The following RYR3 variants were observed in gnomAD, a reference collection of about 807,000 sequenced individuals.
The protein encoded by RYR3 is brain ryanodine receptor-calcium release channel.
RYR3 carries 207 observed loss-of-function variants against 584.3 expected under a neutral mutation model. The ratio of observed to expected loss-of-function variants is 0.35; its 90% CI spans 0.32 to 0.40. The LOEUF (loss-of-function observed/expected upper bound fraction) is 0.40. Ranked by LOEUF, RYR3 falls within the 10% of genes least tolerant of loss-of-function variation. The probability of loss-of-function intolerance (pLI) is 1.00; values close to 1 mark genes in which losing one functional copy is unlikely to be tolerated. For synonymous variants in RYR3, 2,416 were observed against 2,248.5 expected, an observed-to-expected ratio of 1.07 and a Z score of -2.11; for missense variants, 5,616 against 6,089.2, an observed-to-expected ratio of 0.92 and a Z score of 2.59.
intron 67 of RYR3, among the ~76,000 whole-genome samples, chr15:33,796,124 GTTTTGTTTTTGT>G (rs71117180): frequency 0.39 from 58,903 of 151,024 alleles, 11,655 homozygotes; most frequent in East Asian, 0.53. Flanking sequence ...GTTTTGTTTT[GTTTTGTTTTTGT>G]TTTTGTTTTT....
Position 33,663,585 on chromosome 15 carries a change from G to A in RYR3, c.5467G>A (p.Val1823Met), listed in dbSNP as rs1487970708. ...YLCDCELQHRVEAIVAFGDIY... is the reference protein window; with the variant it reads ...YLCDCELQHRMEAIVAFGDIY... ...CTGCGACTGTGAGCTGCAGCACCGA[G>A]TGGAGGCCATTGTGGCATTTGGTGA... Residue 1823 changes from valine (V) to methionine (M), a missense_variant, in exon 36 of 104, where the codon GTG becomes ATG. Physicochemically the swap from Val to Met is conservative, Grantham distance 21. This residue lies in a region of RYR3 where 1,280 missense variants were observed against 1,426.2 expected (regional missense o/e 0.90). Transcript: ENST00000634891. 1 of 1,613,810 alleles carries A rather than the reference G, an allele frequency of 6.2e-7. No homozygotes were observed. The highest frequency in any genetic ancestry group is 8.5e-7 in the Non-Finnish European group (1 of 1,179,894).
At chr15:33,392,940 TG>T (rs2042092342) in intron 1 of RYR3, among the ~76,000 whole-genome samples, 1 of 152,212 alleles carries the variant, frequency 6.6e-6, no homozygotes, top group African/African-American at 2.4e-5. Flanking sequence ...TACAAGGGCA[TG>T]GGATTGCACA....
chr15:33,819,652 G>A (rs926477803), intron 76 of RYR3, 104 bp from the exon 77 acceptor site: 66 of 721,974 alleles, frequency 9.1e-5, no homozygotes, highest in Non-Finnish European at 1.0e-4. Flanking sequence ...CCAGCCTAGG[G>A]GACAAGAGAA....
At chr15:33,353,138 G>C (rs1465325851) in intron 1 of RYR3, among the ~76,000 whole-genome samples, 1 of 152,078 alleles carries the variant, frequency 6.6e-6, no homozygotes, top group East Asian at 1.9e-4. Flanking sequence ...TTTATATTTA[G>C]CTTGAATTTA....
chr15:33,327,173 AAAGT>A (rs953188178), intron 1 of RYR3, among the ~76,000 whole-genome samples: 10 of 152,224 alleles, frequency 6.6e-5, no homozygotes, highest in Non-Finnish European at 1.2e-4. Context: ...GACAGAAAAA[AAAGT>A]AAGTACTTTG....
intron 82 of RYR3, 99 bp downstream of exon 82, chr15:33,825,775 C>G (rs1654012562): frequency 2.8e-6 from 2 of 723,522 alleles, no homozygotes; most frequent in Non-Finnish European, 4.3e-6. Context: ...TCTTGTTGCT[C>G]AGGCTGGACT....
chr15:33,577,017 C>T (rs1017400915), intron 12 of RYR3, among the ~76,000 whole-genome samples: 3 of 152,038 alleles, frequency 2.0e-5, no homozygotes, highest in Admixed American at 6.6e-5. Context: ...CCCATTAATA[C>T]TTGCTACAAA....
intron 69 of RYR3, among the ~76,000 whole-genome samples, chr15:33,802,529 G>A (rs1198208293): frequency 6.6e-6 from 1 of 151,732 alleles, no homozygotes; most frequent in Non-Finnish European, 1.5e-5. Flanking sequence ...AGGCATATCG[G>A]ACATCTGTCT....
intron 1 of RYR3, among the ~76,000 whole-genome samples, chr15:33,337,096 T>C (rs1054735124): frequency 2.4e-5 from 3 of 126,528 alleles, no homozygotes; most frequent in Non-Finnish European, 5.2e-5. Flanking sequence ...TATAAAACTC[T>C]GAGGAGACTG....
Position 33,757,553 on chromosome 15 carries a change from A to T in RYR3, c.8662A>T (p.Ser2888Cys). The change falls in exon 60 of 104, where the codon AGC (serine) becomes TGC (cysteine). Residue 2888 changes from serine (S) to cysteine (C), a missense_variant. By Grantham distance (112) the Ser-to-Cys change is moderately radical (BLOSUM62 -1). Coordinates refer to ENST00000634891, the MANE Select transcript of RYR3 (RefSeq NM_001036.6). ...FLSSPLKPLS[S>C]SGYASHKEKE... ...GTCATCCCCTCTGAAGCCCCTTAGC[A>T]GCAGCGGATATGCCTCCCATAAGGA... The T allele has an allele frequency of 6.2e-7, 1 of 1,611,658 alleles. No individual in the cohort carries two copies. The highest frequency in any genetic ancestry group is 1.1e-5 in the South Asian group (1 of 90,026).
At chr15:33,664,315 T>C (rs1311668101) in intron 36 of RYR3, among the ~76,000 whole-genome samples, 5 of 152,042 alleles carry the variant, frequency 3.3e-5, no homozygotes, top group African/African-American at 1.2e-4. Context: ...CACCTTGGGG[T>C]TAGCCTTACC....
chr15:33,738,090 A>T (rs2069681778), intron 49 of RYR3, among the ~76,000 whole-genome samples: 1 of 152,218 alleles, frequency 6.6e-6, no homozygotes. Flanking sequence ...AGGTCCCAGA[A>T]GAAATTATTT....
At chr15:33,759,093 G>A (rs1412688139) in intron 60 of RYR3, among the ~76,000 whole-genome samples, 1 of 152,126 alleles carries the variant, frequency 6.6e-6, no homozygotes, top group Non-Finnish European at 1.5e-5. Flanking sequence ...GAAAGCAATA[G>A]CATCAACATC....
chr15:33,699,643 A>C, intron 40 of RYR3, 61 bp from the exon 41 acceptor site: 1 of 1,535,856 alleles, frequency 6.5e-7, no homozygotes, highest in South Asian at 1.2e-5. Context: ...CTGAGGTCAG[A>C]GTTTTCAGAA....
Position 33,743,357 on chromosome 15 carries a change from T to A in RYR3, c.7899+913T>A, listed in dbSNP as rs2070362913. On this transcript the variant is annotated intron_variant, in intron 52 of 103. Coordinates refer to ENST00000634891, the MANE Select transcript of RYR3 (RefSeq NM_001036.6). ...CAAATCTGTTCTGTAAAGGGCTGAA[T>A]GGTCAACATTTGAGGCTGCAAGGGC... Among the ~76,000 whole-genome samples the A allele has an allele frequency of 2.0e-5, 3 of 152,340 alleles. No individual in the cohort carries two copies. The South Asian group carries it at 6.2e-4, about 32-fold the overall frequency.
chr15:33,654,270 T>C (rs938222290), intron 32 of RYR3, among the ~76,000 whole-genome samples: 1 of 152,132 alleles, frequency 6.6e-6, no homozygotes, highest in Non-Finnish European at 1.5e-5. Context: ...TTCCAGTATC[T>C]TGGGGAGGCC....
intron 11 of RYR3, among the ~76,000 whole-genome samples, chr15:33,564,232 CA>C (rs1279680255): frequency 6.6e-6 from 1 of 152,196 alleles, no homozygotes; most frequent in African/African-American, 2.4e-5. Context: ...ACTGCAAAAA[CA>C]TGAGCCTAAA....
At chr15:33,339,169 C>A (rs1971499881) in intron 1 of RYR3, among the ~76,000 whole-genome samples, 1 of 152,264 alleles carries the variant, frequency 6.6e-6, no homozygotes, top group African/African-American at 2.4e-5. Flanking sequence ...CTCGGACCCA[C>A]AGGACCGAAG....
chr15:33,475,610 C>A lies in RYR3; in HGVS notation c.171+2072C>A, dbSNP rs541190330. 4.8e-4 allele frequency among the ~76,000 whole-genome samples: 73 copies of A among 152,274 alleles called. 1 individual carries two copies. The South Asian group carries it at 0.014, about 30-fold the overall frequency. ...AACAGGCCATGAACTGGGTCCATGGCCCCAGGGGTTGGGGACCCTGCTTTA... is the reference window on the plus strand; with the variant it reads ...AACAGGCCATGAACTGGGTCCATGGACCCAGGGGTTGGGGACCCTGCTTTA... On this transcript the variant is annotated intron_variant, in intron 2 of 103. Transcript: ENST00000634891.
Sources: gnomAD v4.1 joint callset for allele counts (sites outside exome capture counted in the v4.1 genomes callset) on GRCh38, gnomAD v4.1.1 for gene constraint, gnomAD v4.1.1 regional missense constraint, MANE v1.5 for transcripts, NCBI Gene and HGNC (gene_info 2026-07-23, HGNC 2026-07-21) for gene names.